The following PRKRIP1 variants were observed in gnomAD, a reference collection of about 807,000 sequenced individuals.
The protein encoded by PRKRIP1 is PRKR-interacting protein 1.
PRKRIP1 carries 29 observed loss-of-function variants against 29.3 expected under a neutral mutation model. The observed-to-expected ratio is 0.99, with a 90% confidence interval of 0.74 to 1.35. PRKRIP1 has a LOEUF of 1.35. PRKRIP1 is among the 40% of genes most tolerant of loss of function. The probability of loss-of-function intolerance (pLI) is 0.00; values close to 1 mark genes in which losing one functional copy is unlikely to be tolerated. For synonymous variants in PRKRIP1, 90 were observed against 85.1 expected, an observed-to-expected ratio of 1.06 and a Z score of -0.32; for missense variants, 247 against 236.8, an observed-to-expected ratio of 1.04 and a Z score of -0.28.
At chr7:102,400,968 A>T (rs2133166558) in intron 3 of PRKRIP1, among the ~76,000 whole-genome samples, 1 of 152,332 alleles carries the variant, frequency 6.6e-6, no homozygotes, top group African/African-American at 2.4e-5. Flanking sequence ...AGAAAAGCAT[A>T]CACAAATATG....
chr7:102,401,815 A>C (rs1283297772), intron 3 of PRKRIP1, among the ~76,000 whole-genome samples: 1 of 152,200 alleles, frequency 6.6e-6, no homozygotes, highest in African/African-American at 2.4e-5. Flanking sequence ...AGGCAGGAGA[A>C]TCACTTGAAC....
intron 5 of PRKRIP1, 101 bp downstream of exon 5, chr7:102,407,599 G>A: frequency 1.2e-6 from 1 of 850,608 alleles, no homozygotes; most frequent in African/African-American, 1.7e-5. Flanking sequence ...TGGGCTGGTT[G>A]GCTGGCCACT....
At chr7:102,405,609 A>C (rs558023644) in intron 4 of PRKRIP1, 1 of 153,882 alleles carries the variant, frequency 6.5e-6, no homozygotes. Context: ...ATAATAATAA[A>C]AAAAATTTTT....
intron 4 of PRKRIP1, among the ~76,000 whole-genome samples, chr7:102,406,647 C>T (rs531235806): frequency 1.9e-4 from 29 of 152,084 alleles, no homozygotes; most frequent in Non-Finnish European, 3.2e-4. Flanking sequence ...TGGCTGGCCA[C>T]GATGCTCATC....
At chr7:102,416,506 C>T (rs1554573134) in intron 5 of PRKRIP1, among the ~76,000 whole-genome samples, 1 of 152,154 alleles carries the variant, frequency 6.6e-6, no homozygotes, top group Non-Finnish European at 1.5e-5. Context: ...ACAAGTTTCT[C>T]AGACTTTCTG....
chr7:102,401,067 CA>C (rs1207084059), intron 3 of PRKRIP1, among the ~76,000 whole-genome samples: 1 of 151,972 alleles, frequency 6.6e-6, no homozygotes, highest in Non-Finnish European at 1.5e-5. Flanking sequence ...CCAAAACAAA[CA>C]AACAAAAAAA....
intron 3 of PRKRIP1, among the ~76,000 whole-genome samples, chr7:102,403,094 C>T (rs1796115885): frequency 6.6e-6 from 1 of 152,130 alleles, no homozygotes; most frequent in East Asian, 1.9e-4. Flanking sequence ...ACACTGGTCT[C>T]GAACTCTGGA....
At chr7:102,421,667 C>G (rs1796696974) in intron 5 of PRKRIP1, among the ~76,000 whole-genome samples, 1 of 152,076 alleles carries the variant, frequency 6.6e-6, no homozygotes, top group Non-Finnish European at 1.5e-5. Context: ...TGTAGTGTCA[C>G]ACACCTGTAG....
At chr7:102,419,837 TTGTGTTTTTGTGTGTGTGTGTGTGTGTG>T (rs1796643811) in intron 5 of PRKRIP1, among the ~76,000 whole-genome samples, 1 of 143,176 alleles carries the variant, frequency 7.0e-6, no homozygotes, top group Non-Finnish European at 1.5e-5. Context: ...TACTGTTTTT[TTGTGTTTTTGTGTGTGTGTGTGTGTGTG>T]TGTGTGTGTG....
intron 4 of PRKRIP1, among the ~76,000 whole-genome samples, chr7:102,404,929 A>T (rs1482789239): frequency 2.1e-5 from 3 of 142,636 alleles, no homozygotes; most frequent in African/African-American, 5.1e-5. Flanking sequence ...TCAGGTCTGT[A>T]TTTTTTTTTT....
chr7:102,398,267 TTTTTTG>T (rs375337744), intron 2 of PRKRIP1, among the ~76,000 whole-genome samples: 11,299 of 151,792 alleles, frequency 0.074, 463 homozygotes, highest in African/African-American at 0.096. Context: ...TATTGCGGTT[TTTTTTG>T]TTTTTGTTTT....
chr7:102,400,094 C>T (rs1040991820), intron 3 of PRKRIP1, among the ~76,000 whole-genome samples: 2 of 151,380 alleles, frequency 1.3e-5, no homozygotes, highest in Non-Finnish European at 2.9e-5. Flanking sequence ...CTGCCTTCTA[C>T]GGACAGCACA....
intron 3 of PRKRIP1, among the ~76,000 whole-genome samples, chr7:102,403,703 C>A (rs1325852117): frequency 6.6e-6 from 1 of 152,202 alleles, no homozygotes; most frequent in Non-Finnish European, 1.5e-5. Flanking sequence ...TTCCTAACAG[C>A]TCTGGGAGAG....
At chr7:102,405,347 CTG>C (rs1796185783) in intron 4 of PRKRIP1, among the ~76,000 whole-genome samples, 1 of 152,180 alleles carries the variant, frequency 6.6e-6, no homozygotes, top group Non-Finnish European at 1.5e-5. Context: ...ATATGTGTAT[CTG>C]TGTGTTTACA....
intron 2 of PRKRIP1, among the ~76,000 whole-genome samples, chr7:102,399,079 G>A (rs1294485146): frequency 5.3e-5 from 8 of 152,128 alleles, no homozygotes; most frequent in Non-Finnish European, 8.8e-5. Flanking sequence ...CTGTGATTGC[G>A]CCACTGCCCT....
Position 102,401,643 on chromosome 7 carries a change from G to A in PRKRIP1, c.306+1995G>A, listed in dbSNP as rs551485123. On this transcript the variant is annotated intron_variant, in intron 3 of 5. Coordinates refer to ENST00000397912, the MANE Select transcript of PRKRIP1 (RefSeq NM_024653.4). Reference sequence around the variant, plus strand: ...AGCTACTCGGGAGGCTGAGGCAGGAGAATCGCTTGAACCCAGGAGTTGGAG... The same window carrying A: ...AGCTACTCGGGAGGCTGAGGCAGGAAAATCGCTTGAACCCAGGAGTTGGAG... 5.3e-5 allele frequency among the ~76,000 whole-genome samples: 8 copies of A among 152,344 alleles called. No homozygotes were observed. The East Asian group carries it at 1.5e-3, about 29-fold the overall frequency.
chr7:102,423,863 T>G (rs1369313570), intron 5 of PRKRIP1, among the ~76,000 whole-genome samples: 1 of 152,048 alleles, frequency 6.6e-6, no homozygotes, highest in African/African-American at 2.4e-5. Context: ...GAACTCGCTG[T>G]GTTGCCCAGG....
intron 3 of PRKRIP1, among the ~76,000 whole-genome samples, chr7:102,403,101 T>C (rs1374131730): frequency 6.6e-6 from 1 of 152,148 alleles, no homozygotes; most frequent in Non-Finnish European, 1.5e-5. Context: ...TCTCGAACTC[T>C]GGACCTCAGG....
At chr7:102,413,058 T>G (rs1796434062) in intron 5 of PRKRIP1, among the ~76,000 whole-genome samples, 1 of 152,156 alleles carries the variant, frequency 6.6e-6, no homozygotes. Flanking sequence ...GAGCAGAGCT[T>G]CTCCACAGTT....
Sources: gnomAD v4.1 joint callset for allele counts (sites outside exome capture counted in the v4.1 genomes callset) on GRCh38, gnomAD v4.1.1 for gene constraint, MANE v1.5 for transcripts, NCBI Gene and HGNC (gene_info 2026-07-23, HGNC 2026-07-21) for gene names.